Variants in NALF1 observed in about 807,000 individuals in gnomAD.
NALF1 encodes the protein NALCN channel auxiliary factor 1, also known as family with sequence similarity 155 member A.
Under a neutral mutation model 48.4 loss-of-function variants are expected in NALF1, and 3 were observed. The ratio of observed to expected loss-of-function variants is 0.06; its 90% CI spans 0.03 to 0.16. The LOEUF (loss-of-function observed/expected upper bound fraction) is 0.16, where lower values mean the gene tolerates loss of function less well. NALF1 is among the 10% of genes least tolerant of loss of function. NALF1 has a pLI of 1.00. For synonymous variants in NALF1, 262 were observed against 245.7 expected (o/e 1.07, Z -0.62); for missense variants, 526 against 571.5 (o/e 0.92, Z 0.81).
chr13:107,789,949 T>C (rs185293474), intron 1 of NALF1, among the ~76,000 whole-genome samples: 304 of 152,298 alleles, frequency 2.0e-3, no homozygotes, highest in African/African-American at 7.1e-3. Context: ...AATGGCAAAT[T>C]GTGCTATTCA....
At chr13:107,235,768 AG>A (rs1449392536) in intron 1 of NALF1, among the ~76,000 whole-genome samples, 1 of 152,210 alleles carries the variant, frequency 6.6e-6, no homozygotes, top group African/African-American at 2.4e-5. Context: ...CACCATTTTC[AG>A]GAACACTTTC....
intron 1 of NALF1, among the ~76,000 whole-genome samples, chr13:107,749,998 T>A (rs1476229384): frequency 6.6e-6 from 1 of 152,136 alleles, no homozygotes; most frequent in Non-Finnish European, 1.5e-5. Context: ...TTTTGTATTT[T>A]TAGTAGAGAC....
chr13:107,574,407 T>C (rs1196261037), intron 1 of NALF1, among the ~76,000 whole-genome samples: 1 of 152,216 alleles, frequency 6.6e-6, no homozygotes, highest in Non-Finnish European at 1.5e-5. Flanking sequence ...AAACCCCAAC[T>C]AGACTACAAG....
At chr13:107,591,559 C>T (rs973126678) in intron 1 of NALF1, among the ~76,000 whole-genome samples, 1 of 151,882 alleles carries the variant, frequency 6.6e-6, no homozygotes, top group East Asian at 1.9e-4. Context: ...GTTGACTTTG[C>T]CTCCAACTGA....
At chr13:107,530,027 A>C (rs1382059050) in intron 1 of NALF1, among the ~76,000 whole-genome samples, 1 of 152,140 alleles carries the variant, frequency 6.6e-6, no homozygotes, top group Non-Finnish European at 1.5e-5. Flanking sequence ...CAAGGGTTCT[A>C]TAGCTAACTC....
chr13:107,677,892 G>T (rs913984229), intron 1 of NALF1, among the ~76,000 whole-genome samples: 5 of 152,136 alleles, frequency 3.3e-5, no homozygotes, highest in African/African-American at 1.2e-4. Context: ...AGCTTGAGTT[G>T]AATTTTCTAG....
intron 1 of NALF1, among the ~76,000 whole-genome samples, chr13:107,241,046 T>A (rs1260250353): frequency 1.3e-4 from 13 of 98,738 alleles, no homozygotes; most frequent in African/African-American, 4.9e-4. Context: ...AAACCCCATA[T>A]CTACTAAAAA....
At chr13:107,303,147 T>G (rs564861063) in intron 1 of NALF1, among the ~76,000 whole-genome samples, 1 of 152,330 alleles carries the variant, frequency 6.6e-6, no homozygotes, top group East Asian at 1.9e-4. Flanking sequence ...TCTGATCGTT[T>G]TAAGCTTTTT....
chr13:107,612,945 C>G (rs894288496), intron 1 of NALF1, among the ~76,000 whole-genome samples: 46 of 151,586 alleles, frequency 3.0e-4, no homozygotes, highest in African/African-American at 1.1e-3. Context: ...TTTGGAGAAC[C>G]CTGAAGAACA....
intron 1 of NALF1, among the ~76,000 whole-genome samples, chr13:107,566,160 A>G (rs1259663286): frequency 6.6e-6 from 1 of 152,170 alleles, no homozygotes; most frequent in Non-Finnish European, 1.5e-5. Context: ...TTCATCCACA[A>G]TGATAGGGAG....
chr13:107,299,229 A>G (rs1375774071), intron 1 of NALF1, among the ~76,000 whole-genome samples: 1 of 151,896 alleles, frequency 6.6e-6, no homozygotes, highest in Non-Finnish European at 1.5e-5. Context: ...GTGATGTTTT[A>G]TTACTGGTGA....
intron 1 of NALF1, among the ~76,000 whole-genome samples, chr13:107,562,623 A>C (rs1478649467): frequency 6.6e-6 from 1 of 152,188 alleles, no homozygotes; most frequent in Non-Finnish European, 1.5e-5. Flanking sequence ...CTTCTGTAGA[A>C]TCTCCAGGTG....
chr13:107,637,039 G>A (rs971691092), intron 1 of NALF1, among the ~76,000 whole-genome samples: 4 of 151,798 alleles, frequency 2.6e-5, no homozygotes, highest in Admixed American at 6.6e-5. Flanking sequence ...AACTGCCTAC[G>A]GTATCAGTAC....
intron 1 of NALF1, among the ~76,000 whole-genome samples, chr13:107,502,060 A>G (rs1594097655): frequency 6.6e-6 from 1 of 152,168 alleles, no homozygotes. Context: ...ATTTATTGCT[A>G]AGCACCTGTT....
chr13:107,807,347 A>G (rs16971161), intron 1 of NALF1, among the ~76,000 whole-genome samples: 8,326 of 152,218 alleles, frequency 0.055, 783 homozygotes, highest in African/African-American at 0.19. Flanking sequence ...TGCAAGAACT[A>G]ATAAAATCAA....
chr13:107,405,763 A>C (rs1050730867), intron 1 of NALF1, among the ~76,000 whole-genome samples: 7 of 152,064 alleles, frequency 4.6e-5, no homozygotes, highest in African/African-American at 1.7e-4. Flanking sequence ...CACTAGTCTT[A>C]TGTGTTAAAA....
At chr13:107,548,442 G>A (rs1231853015) in intron 1 of NALF1, among the ~76,000 whole-genome samples, 6 of 152,080 alleles carry the variant, frequency 3.9e-5, no homozygotes, top group African/African-American at 1.4e-4. Flanking sequence ...CTGCATGCAT[G>A]TGTCTTTAGA....
At chr13:107,420,151 G>T (rs1244718328) in intron 1 of NALF1, among the ~76,000 whole-genome samples, 5 of 152,088 alleles carry the variant, frequency 3.3e-5, no homozygotes, top group Non-Finnish European at 5.9e-5. Context: ...CTACTAAAGA[G>T]AATTCCATTT....
At chr13:107,692,845 A>G (rs1881598007) in intron 1 of NALF1, among the ~76,000 whole-genome samples, 1 of 152,214 alleles carries the variant, frequency 6.6e-6, no homozygotes, top group Admixed American at 6.5e-5. Context: ...GAACAACTAG[A>G]AGAGCAGGAG....
Sources: allele counts gnomAD v4.1 joint callset (sites outside exome capture counted in the v4.1 genomes callset), GRCh38; gene constraint gnomAD v4.1.1; transcripts MANE v1.5; gene names NCBI Gene and HGNC (gene_info 2026-07-23, HGNC 2026-07-21).